Variants in PRKG1 observed in about 807,000 individuals in gnomAD.
PRKG1 encodes the protein cGMP-dependent protein kinase 1.
PRKG1 carries 35 observed loss-of-function variants against 88.1 expected under a neutral mutation model. The ratio of observed to expected loss-of-function variants is 0.40; its 90% CI spans 0.30 to 0.53. PRKG1 has a LOEUF of 0.53. Ranked by LOEUF, PRKG1 falls within the 20% of genes least tolerant of loss-of-function variation. PRKG1 has a pLI of 0.59. For missense variants in PRKG1, 540 were observed against 839.8 expected (o/e 0.64, Z 4.41); for synonymous variants, 303 against 292.5 (o/e 1.04, Z -0.37).
At chr10:51,251,324 G>T (rs753010157) in intron 2 of PRKG1, among the ~76,000 whole-genome samples, 1 of 151,674 alleles carries the variant, frequency 6.6e-6, no homozygotes, top group Non-Finnish European at 1.5e-5. Flanking sequence ...TTCTCTACAA[G>T]GTGTCAGTCC....
At chr10:51,681,699 A>G (rs774264956) in intron 3 of PRKG1, among the ~76,000 whole-genome samples, 5 of 152,098 alleles carry the variant, frequency 3.3e-5, no homozygotes, top group African/African-American at 9.7e-5. Context: ...TTTTTAATAC[A>G]TATAATTTTG....
intron 1 of PRKG1, among the ~76,000 whole-genome samples, chr10:51,117,109 T>C (rs1324378637): frequency 2.0e-5 from 3 of 152,174 alleles, no homozygotes; most frequent in Admixed American, 2.0e-4. Flanking sequence ...TATTTCTGTA[T>C]TGTAATGAAC....
intron 3 of PRKG1, 147 bp downstream of exon 3, chr10:51,467,983 G>A: frequency 1.5e-6 from 1 of 680,414 alleles, no homozygotes. Context: ...TGATGTATTT[G>A]TTTTCCTACT....
chr10:51,495,491 A>T (rs1840826723), intron 3 of PRKG1, among the ~76,000 whole-genome samples: 1 of 152,238 alleles, frequency 6.6e-6, no homozygotes, highest in African/African-American at 2.4e-5. Flanking sequence ...ATAAGGAAAG[A>T]TATCATTCCA....
At chr10:51,186,229 C>A (rs945093522) in intron 2 of PRKG1, among the ~76,000 whole-genome samples, 2 of 151,572 alleles carry the variant, frequency 1.3e-5, no homozygotes, top group Non-Finnish European at 2.9e-5. Flanking sequence ...TTATATTTAT[C>A]ATTTTCTCTC....
In PRKG1 at chr10:51,049,787, G is replaced by C. The variant is rs114943188; in HGVS notation, c.266+58143G>C. ...CTGATTCTAGTTGGTATGGGTTTTT[G>C]TGTATTGTCCATTTCAATATATTTA... On this transcript the variant is annotated intron_variant, in intron 1 of 17. Transcript: ENST00000401604. Among the ~76,000 whole-genome samples, 382 of 152,152 alleles carry C rather than the reference G, an allele frequency of 2.5e-3. 1 individual carries two copies. Among genetic ancestry groups the C allele is most frequent in the African/African-American group, 8.6e-3 (357 of 41,524 alleles).
chr10:52,225,483 T>G (rs1266548255), intron 9 of PRKG1, among the ~76,000 whole-genome samples: 1 of 152,186 alleles, frequency 6.6e-6, no homozygotes, highest in Non-Finnish European at 1.5e-5. Context: ...AAAATGATCT[T>G]TAGTTTAATT....
At chr10:52,222,060 T>C (rs1024175621) in intron 9 of PRKG1, among the ~76,000 whole-genome samples, 2 of 152,090 alleles carry the variant, frequency 1.3e-5, no homozygotes, top group African/African-American at 2.4e-5. Context: ...TGCTCCTCCT[T>C]CTCCCAGAGT....
chr10:51,886,440 C>G (rs1431612779), intron 4 of PRKG1, among the ~76,000 whole-genome samples: 1 of 151,982 alleles, frequency 6.6e-6, no homozygotes, highest in African/African-American at 2.4e-5. Flanking sequence ...TTAGAACAAC[C>G]CAGATATTTA....
intron 7 of PRKG1, among the ~76,000 whole-genome samples, chr10:52,082,446 T>TA (rs1846802034): frequency 6.6e-6 from 1 of 152,120 alleles, no homozygotes; most frequent in Non-Finnish European, 1.5e-5. Flanking sequence ...AAAGCTCTGG[T>TA]GATTGCATGT....
chr10:51,756,581 C>T (rs913766873), intron 3 of PRKG1, among the ~76,000 whole-genome samples: 10 of 151,634 alleles, frequency 6.6e-5, no homozygotes, highest in South Asian at 2.1e-4. Context: ...TTTGGGAGGC[C>T]GAGGTGGGCG....
At chr10:51,267,464 T>A (rs926066302) in intron 2 of PRKG1, among the ~76,000 whole-genome samples, 3 of 152,206 alleles carry the variant, frequency 2.0e-5, no homozygotes, top group Non-Finnish European at 2.9e-5. Flanking sequence ...GCAAAATATA[T>A]CTTTATATCT....
intron 3 of PRKG1, among the ~76,000 whole-genome samples, chr10:51,530,663 C>G (rs1589049885): frequency 6.6e-6 from 1 of 152,240 alleles, no homozygotes; most frequent in South Asian, 2.1e-4. Context: ...TGATATTTTG[C>G]CTGGGTCCCA....
chr10:52,022,265 T>C (rs1214215631), intron 5 of PRKG1, among the ~76,000 whole-genome samples: 1 of 152,228 alleles, frequency 6.6e-6, no homozygotes, highest in African/African-American at 2.4e-5. Flanking sequence ...TAAATACATT[T>C]TGACTTACTC....
At chr10:51,953,828 C>A (rs556935417) in intron 5 of PRKG1, among the ~76,000 whole-genome samples, 36 of 152,054 alleles carry the variant, frequency 2.4e-4, no homozygotes, top group Non-Finnish European at 4.9e-4. Context: ...CTATATTATT[C>A]AAACTATGCA....
intron 2 of PRKG1, among the ~76,000 whole-genome samples, chr10:51,203,038 T>A (rs1837953094): frequency 6.6e-6 from 1 of 152,012 alleles, no homozygotes; most frequent in East Asian, 1.9e-4. Context: ...GATATAAATG[T>A]GAGGGACATT....
intron 3 of PRKG1, among the ~76,000 whole-genome samples, chr10:51,630,798 T>A (rs1035201425): frequency 6.6e-6 from 1 of 152,182 alleles, no homozygotes; most frequent in African/African-American, 2.4e-5. Flanking sequence ...TCATGACAAA[T>A]GTCCTTAGCA....
At chr10:52,293,698 G>T in intron 17 of PRKG1, 104 bp from the exon 18 acceptor site, 2 of 861,106 alleles carry the variant, frequency 2.3e-6, no homozygotes, top group South Asian at 1.6e-5. Flanking sequence ...GATACTCAAT[G>T]AAATAGTCAC....
intron 3 of PRKG1, among the ~76,000 whole-genome samples, chr10:51,498,506 G>C (rs992794279): frequency 5.3e-5 from 8 of 152,114 alleles, no homozygotes; most frequent in Non-Finnish European, 7.4e-5. Context: ...TGAAACTATG[G>C]GAGGTAATTC....
Sources: allele counts gnomAD v4.1 joint callset (sites outside exome capture counted in the v4.1 genomes callset), GRCh38; gene constraint gnomAD v4.1.1; transcripts MANE v1.5; gene names NCBI Gene and HGNC (gene_info 2026-07-23, HGNC 2026-07-21).